SLC2A13: variants seen among roughly 807,000 people sequenced by gnomAD.
The protein encoded by SLC2A13 is proton myo-inositol cotransporter.
A neutral mutation model predicts 64.4 loss-of-function variants in SLC2A13; 32 were observed. The ratio of observed to expected loss-of-function variants is 0.50; its 90% CI spans 0.37 to 0.67. SLC2A13 has a LOEUF of 0.67. SLC2A13 is among the 30% of genes least tolerant of loss of function. The pLI, the probability that SLC2A13 is intolerant of heterozygous loss-of-function variation, is 0.00. For synonymous variants in SLC2A13, 338 were observed against 327.1 expected (o/e 1.03, Z -0.36); for missense variants, 743 against 829.2 (o/e 0.90, Z 1.28).
Position 39,764,603 on chromosome 12 carries a change from G to A in SLC2A13, c.1577C>T (p.Pro526Leu). The part of the protein sequence containing the change: ...YLVFFAPGMG[P>L]MPWTVNSEIY... ...TTCAGAATTCACAGTCCAAGGCATT[G>A]GTCCCATTCCTGAGAAATAAAACAT... Residue 526 changes from proline (P) to leucine (L), a missense_variant, in exon 9 of 10, where the codon CCA becomes CTA. Physicochemically the swap from Pro to Leu is moderately conservative, Grantham distance 98. Around this residue, in one of 2 missense-constraint regions of SLC2A13, gnomAD observed 295 missense variants for 381.7 expected, o/e 0.77. Coordinates refer to ENST00000280871, the MANE Select transcript of SLC2A13 (RefSeq NM_052885.4). 6.3e-7 allele frequency: 1 copy of A among 1,593,138 alleles called. No individual in the cohort carries two copies. Among genetic ancestry groups the A allele is most frequent in the Non-Finnish European group, 8.5e-7 (1 of 1,174,104 alleles).
chr12:40,051,119 C>T (rs1017835398), intron 1 of SLC2A13, among the ~76,000 whole-genome samples: 1 of 152,014 alleles, frequency 6.6e-6, no homozygotes, highest in South Asian at 2.1e-4. Context: ...CACACAAGAC[C>T]TACTCACAAA....
intron 4 of SLC2A13, among the ~76,000 whole-genome samples, chr12:39,896,428 A>G (rs1377163126): frequency 6.9e-6 from 1 of 144,144 alleles, no homozygotes; most frequent in East Asian, 2.1e-4. Flanking sequence ...ATATGTGTAT[A>G]TATGTATACA....
intron 6 of SLC2A13, chr12:39,835,723 G>A (rs1002332674): frequency 3.3e-5 from 5 of 152,146 alleles, no homozygotes; most frequent in African/African-American, 1.2e-4. Flanking sequence ...CCTGCAGGGT[G>A]GATCACCAAT....
At chr12:39,859,316 G>GTA (rs1943692347) in intron 6 of SLC2A13, among the ~76,000 whole-genome samples, 1 of 94,296 alleles carries the variant, frequency 1.1e-5, no homozygotes, top group Non-Finnish European at 1.9e-5. Flanking sequence ...AAAGCTGGCA[G>GTA]TTTTTTTTTT....
intron 6 of SLC2A13, among the ~76,000 whole-genome samples, chr12:39,862,476 T>C (rs1943788638): frequency 6.6e-6 from 1 of 152,240 alleles, no homozygotes; most frequent in African/African-American, 2.4e-5. Flanking sequence ...TATCACTTTC[T>C]AAAATGAAGA....
chr12:39,977,300 C>T (rs1348428232), intron 3 of SLC2A13, among the ~76,000 whole-genome samples: 1 of 152,208 alleles, frequency 6.6e-6, no homozygotes, highest in Non-Finnish European at 1.5e-5. Flanking sequence ...GTTTATCTAA[C>T]CCCAAACCCC....
At chr12:39,926,352 G>T (rs538817741) in intron 4 of SLC2A13, among the ~76,000 whole-genome samples, 2 of 151,970 alleles carry the variant, frequency 1.3e-5, no homozygotes, top group African/African-American at 4.8e-5. Context: ...AAGATCCAAG[G>T]CATGTTATCA....
intron 7 of SLC2A13, among the ~76,000 whole-genome samples, chr12:39,796,774 T>C (rs1271906358): frequency 6.6e-6 from 1 of 152,200 alleles, no homozygotes; most frequent in Non-Finnish European, 1.5e-5. Context: ...AATAAGAATG[T>C]AGCATCATTT....
At chr12:40,006,364 T>C (rs1231665034) in intron 3 of SLC2A13, among the ~76,000 whole-genome samples, 1 of 152,216 alleles carries the variant, frequency 6.6e-6, no homozygotes, top group Non-Finnish European at 1.5e-5. Context: ...AATTTTATTT[T>C]TCTTTCCTTA....
intron 1 of SLC2A13, among the ~76,000 whole-genome samples, chr12:40,097,003 C>G (rs973417022): frequency 2.6e-5 from 4 of 152,080 alleles, no homozygotes; most frequent in Non-Finnish European, 4.4e-5. Flanking sequence ...ATTTAAATCT[C>G]AGCACTGTTA....
At chr12:39,987,280 G>A (rs189560811) in intron 3 of SLC2A13, among the ~76,000 whole-genome samples, 7 of 152,242 alleles carry the variant, frequency 4.6e-5, no homozygotes, top group Admixed American at 4.6e-4. Flanking sequence ...ACAAAATAAT[G>A]AGGTAAGTGC....
intron 4 of SLC2A13, among the ~76,000 whole-genome samples, chr12:39,895,989 CAT>C (rs1274011465): frequency 3.3e-4 from 48 of 143,356 alleles, no homozygotes; most frequent in East Asian, 2.8e-3. Flanking sequence ...TACATACATT[CAT>C]ATATGTGTAT....
At chr12:39,840,451 G>A (rs1943152289) in intron 6 of SLC2A13, among the ~76,000 whole-genome samples, 1 of 151,810 alleles carries the variant, frequency 6.6e-6, no homozygotes, top group Non-Finnish European at 1.5e-5. Flanking sequence ...TCCTTTTATG[G>A]CATCATTTAG....
chr12:39,884,650 G>T (rs1944427539), intron 4 of SLC2A13, among the ~76,000 whole-genome samples: 1 of 152,104 alleles, frequency 6.6e-6, no homozygotes, highest in South Asian at 2.1e-4. Context: ...AACACTGAGG[G>T]TGACCGCCAT....
At chr12:39,764,036 C>T (rs1240856829) in intron 9 of SLC2A13, among the ~76,000 whole-genome samples, 8 of 152,228 alleles carry the variant, frequency 5.3e-5, no homozygotes, top group African/African-American at 1.7e-4. Context: ...TTCAGCCCTA[C>T]GCAGATTCTG....
chr12:39,783,260 C>A (rs1163970395), intron 7 of SLC2A13, among the ~76,000 whole-genome samples: 3 of 152,164 alleles, frequency 2.0e-5, no homozygotes, highest in Non-Finnish European at 4.4e-5. Context: ...TTTCTTAATT[C>A]ACTCTATCAC....
At chr12:39,826,306 G>GT (rs1942674505) in intron 7 of SLC2A13, among the ~76,000 whole-genome samples, 1 of 151,410 alleles carries the variant, frequency 6.6e-6, no homozygotes, top group African/African-American at 2.4e-5. Context: ...TCTTATTTCT[G>GT]TATTTCTAAC....
intron 1 of SLC2A13, among the ~76,000 whole-genome samples, chr12:40,073,512 A>G (rs1029020659): frequency 6.6e-6 from 1 of 152,058 alleles, no homozygotes; most frequent in African/African-American, 2.4e-5. Context: ...ATTTCTCTCC[A>G]ATGTTTTCTT....
chr12:40,031,581 A>G (rs1031828822), intron 2 of SLC2A13, among the ~76,000 whole-genome samples: 1 of 152,216 alleles, frequency 6.6e-6, no homozygotes, highest in African/African-American at 2.4e-5. Context: ...TGCTGGGGGA[A>G]TTAAGTGAAA....
Sources: allele counts gnomAD v4.1 joint callset (sites outside exome capture counted in the v4.1 genomes callset), GRCh38; gene constraint gnomAD v4.1.1; regional missense constraint gnomAD v4.1.1; transcripts MANE v1.5; gene names NCBI Gene and HGNC (gene_info 2026-07-23, HGNC 2026-07-21).